The following SUGCT variants were observed in gnomAD, a reference collection of about 807,000 sequenced individuals.
SUGCT encodes succinyl-CoA:glutarate-CoA transferase.
A neutral mutation model predicts 55.0 loss-of-function variants in SUGCT; 41 were observed. The ratio of observed to expected loss-of-function variants is 0.74; its 90% CI spans 0.58 to 0.97. The LOEUF is 0.97. SUGCT is among the 50% of genes least tolerant of loss of function. The pLI, the probability that SUGCT is intolerant of heterozygous loss-of-function variation, is 0.00. For synonymous variants in SUGCT, 187 were observed against 200.4 expected (o/e 0.93, Z 0.56); for missense variants, 568 against 547.8 (o/e 1.04, Z -0.37).
Position 40,496,294 on chromosome 7 carries a change from G to C in SUGCT, c.997G>C (p.Glu333Gln), listed in dbSNP as rs753482539. The C allele has an allele frequency of 6.2e-7, 1 of 1,611,394 alleles. No homozygotes were observed. Among genetic ancestry groups the C allele is most frequent in the South Asian group, 1.1e-5 (1 of 90,444 alleles). ...TGTTTGTCTTCTTAGGTTTGAAGAAGAACTGACCAGCAAGTGGTTATATCT... is the reference window on the plus strand; with the variant it reads ...TGTTTGTCTTCTTAGGTTTGAAGAACAACTGACCAGCAAGTGGTTATATCT... ...IKILSERFEE[E>Q]LTSKWLYLFE... Residue 333 changes from glutamate to glutamine, a missense_variant, in exon 12 of 14, where the codon GAA becomes CAA. Transcript: ENST00000335693.
chr7:41,021,919 T>A, the SUGCT span, among the ~76,000 whole-genome samples: 709 of 152,142 alleles, frequency 4.7e-3, 3 homozygotes, highest in African/African-American at 0.017. Flanking sequence ...GAGTGATACA[T>A]AAATTGAAAT....
At chr7:40,218,174 C>G (rs1241062384) in intron 6 of SUGCT, among the ~76,000 whole-genome samples, 1 of 152,142 alleles carries the variant, frequency 6.6e-6, no homozygotes, top group Non-Finnish European at 1.5e-5. Flanking sequence ...CACTGTGCCA[C>G]AGTGCTCCAG....
At chr7:40,787,163 GT>G (rs1790054293) in intron 13 of SUGCT, among the ~76,000 whole-genome samples, 1 of 151,928 alleles carries the variant, frequency 6.6e-6, no homozygotes, top group Non-Finnish European at 1.5e-5. Flanking sequence ...GAAGACCAGT[GT>G]GTAGCACACT....
At chr7:40,349,727 C>G (rs1434586368) in intron 9 of SUGCT, among the ~76,000 whole-genome samples, 1 of 152,202 alleles carries the variant, frequency 6.6e-6, no homozygotes, top group Non-Finnish European at 1.5e-5. Context: ...GGCTGTAGTG[C>G]AGTGGCACGA....
chr7:40,835,419 T>G (rs1489217214), intron 13 of SUGCT, among the ~76,000 whole-genome samples: 1 of 152,240 alleles, frequency 6.6e-6, no homozygotes, highest in Non-Finnish European at 1.5e-5. Flanking sequence ...AATTTCTTCT[T>G]ACCTATGATG....
intron 13 of SUGCT, among the ~76,000 whole-genome samples, chr7:40,772,173 C>T (rs1789138910): frequency 6.6e-6 from 1 of 152,104 alleles, no homozygotes. Flanking sequence ...ACTTTCCACA[C>T]CAAAAGTCTG....
the SUGCT span, among the ~76,000 whole-genome samples, chr7:40,992,036 G>A: frequency 6.6e-6 from 1 of 152,048 alleles, no homozygotes; most frequent in Non-Finnish European, 1.5e-5. Flanking sequence ...GTGAAAGCAA[G>A]TTTATTAAGC....
At chr7:40,918,168 A>G in the SUGCT span, among the ~76,000 whole-genome samples, 1 of 152,060 alleles carries the variant, frequency 6.6e-6, no homozygotes, top group Non-Finnish European at 1.5e-5. Flanking sequence ...TCTTTGGTAA[A>G]AAGGGGAAAA....
chr7:40,304,667 A>G (rs1794746960), intron 8 of SUGCT, among the ~76,000 whole-genome samples: 1 of 150,286 alleles, frequency 6.7e-6, no homozygotes, highest in Non-Finnish European at 1.5e-5. Context: ...ACTCCCACAT[A>G]TGAGTGAGAA....
intron 12 of SUGCT, among the ~76,000 whole-genome samples, chr7:40,623,498 A>T (rs1799373192): frequency 6.6e-6 from 1 of 152,136 alleles, no homozygotes; most frequent in Non-Finnish European, 1.5e-5. Context: ...ATGAGCCTCC[A>T]CAAATCATTT....
chr7:40,444,398 T>C (rs548521456), intron 9 of SUGCT, among the ~76,000 whole-genome samples: 2 of 152,310 alleles, frequency 1.3e-5, no homozygotes, highest in African/African-American at 4.8e-5. Flanking sequence ...TTTTATTTCG[T>C]TGAGCAGTGG....
chr7:40,850,229 C>T (rs545329984), intron 13 of SUGCT, among the ~76,000 whole-genome samples: 206 of 152,278 alleles, frequency 1.4e-3, no homozygotes, highest in Non-Finnish European at 2.5e-3. Flanking sequence ...AGCTGGGATT[C>T]TGCCACAGGA....
At chr7:40,173,781 A>G (rs1784792053) in intron 1 of SUGCT, among the ~76,000 whole-genome samples, 1 of 151,638 alleles carries the variant, frequency 6.6e-6, no homozygotes. Context: ...AGGTGTATAC[A>G]TCTGTCAAAA....
intron 12 of SUGCT, among the ~76,000 whole-genome samples, chr7:40,506,915 T>C (rs928421045): frequency 1.3e-5 from 2 of 152,228 alleles, no homozygotes; most frequent in African/African-American, 4.8e-5. Flanking sequence ...TACCTCCTTA[T>C]TGATATTATC....
chr7:40,762,622 C>A (rs934018086), intron 13 of SUGCT, among the ~76,000 whole-genome samples: 9 of 152,180 alleles, frequency 5.9e-5, no homozygotes, highest in African/African-American at 2.2e-4. Flanking sequence ...CTGATAACAT[C>A]CTGGTGTCAA....
chr7:40,573,711 A>G (rs566864518), intron 12 of SUGCT, among the ~76,000 whole-genome samples: 4 of 152,276 alleles, frequency 2.6e-5, no homozygotes, highest in Non-Finnish European at 2.9e-5. Flanking sequence ...CAGATGCCTT[A>G]ATGATCTGCT....
chr7:40,197,555 C>T (rs895351838), intron 6 of SUGCT, among the ~76,000 whole-genome samples: 1 of 152,172 alleles, frequency 6.6e-6, no homozygotes, highest in African/African-American at 2.4e-5. Context: ...TGTTATCCTC[C>T]TTGGATCAGT....
chr7:40,683,564 T>A (rs1363398299), intron 12 of SUGCT, among the ~76,000 whole-genome samples: 1 of 152,208 alleles, frequency 6.6e-6, no homozygotes, highest in Non-Finnish European at 1.5e-5. Context: ...GTGGGAATCT[T>A]CAGACTTCTT....
At chr7:40,578,369 A>G (rs1796884501) in intron 12 of SUGCT, among the ~76,000 whole-genome samples, 2 of 151,070 alleles carry the variant, frequency 1.3e-5, no homozygotes, top group South Asian at 2.1e-4. Flanking sequence ...CCCACTCCTC[A>G]CTCTTCTTGG....
Sources: allele counts gnomAD v4.1 joint callset (sites outside exome capture counted in the v4.1 genomes callset), GRCh38; gene constraint gnomAD v4.1.1; transcripts MANE v1.5; gene names NCBI Gene and HGNC (gene_info 2026-07-23, HGNC 2026-07-21).